The following STARD9 variants were observed in gnomAD, a reference collection of about 807,000 sequenced individuals.
The protein encoded by STARD9 is stAR-related lipid transfer protein 9.
STARD9 carries 346 observed loss-of-function variants against 399.8 expected under a neutral mutation model. The ratio of observed to expected loss-of-function variants is 0.87; its 90% CI spans 0.79 to 0.95. STARD9 has a LOEUF of 0.95. Ranked by LOEUF, STARD9 falls within the 40% of genes least tolerant of loss-of-function variation. The pLI is 0.00. For missense variants in STARD9, 5,832 were observed against 5,667.5 expected, an observed-to-expected ratio of 1.03 and a Z score of -0.93; for synonymous variants, 2,203 against 2,143.5, an observed-to-expected ratio of 1.03 and a Z score of -0.77.
chr15:42,689,121 G>A lies in STARD9; in HGVS notation c.7543G>A (p.Val2515Ile), dbSNP rs200317576. ...GAAGGCAGAGAAGGAGACTGAGGAC[G>A]TCGGACTGACCAGCGGTGTTTCCTT... is the stretch of plus-strand genomic sequence containing the variant. The part of the protein sequence containing the change: ...RQKAEKETED[V>I]GLTSGVSLAP... The change falls in exon 23 of 33, where the codon GTC (valine) becomes ATC (isoleucine). Residue 2515 changes from valine to isoleucine, a missense_variant. Val to Ile is a conservative substitution (Grantham distance 29). This residue lies in a region of STARD9 where 5,828 missense variants were observed against 5,651.1 expected (regional missense o/e 1.03). Transcript: ENST00000290607. 16 of 1,537,168 alleles carry A rather than the reference G, an allele frequency of 1.0e-5. No homozygotes were observed. The highest frequency in any genetic ancestry group is 5.9e-5 in the Admixed American group (3 of 50,958).
chr15:42,616,041 AT>A (rs939227592), intron 3 of STARD9, among the ~76,000 whole-genome samples: 15 of 149,686 alleles, frequency 1.0e-4, no homozygotes, highest in South Asian at 4.2e-4. Flanking sequence ...CAAACATTGT[AT>A]TTTTTTTTTC....
Position 42,691,057 on chromosome 15 carries a change from A to C in STARD9, c.9479A>C (p.Gln3160Pro). ...SAESKLVVEP[Q>P]HECLENTTRC... ...GAGAGCAAGTTGGTGGTAGAGCCAC[A>C]GCATGAATGTTTAGAAAATACCACT... The change falls in exon 23 of 33, where the codon CAG becomes CCG. Residue 3160 changes from glutamine (Q) to proline (P), a missense_variant. By Grantham distance (76) the Gln-to-Pro change is moderately conservative. Transcript: ENST00000290607. The C allele has an allele frequency of 6.5e-7, 1 of 1,537,276 alleles. No individual in the cohort carries two copies. Among genetic ancestry groups the C allele is most frequent in the Non-Finnish European group, 8.7e-7 (1 of 1,146,910 alleles).
intron 4 of STARD9, among the ~76,000 whole-genome samples, chr15:42,636,686 T>C (rs2059423907): frequency 6.6e-6 from 1 of 152,230 alleles, no homozygotes; most frequent in Non-Finnish European, 1.5e-5. Flanking sequence ...ATGATTCCTC[T>C]TAGATGATTA....
chr15:42,693,160 C>T lies in STARD9; in HGVS notation c.11582C>T (p.Pro3861Leu), dbSNP rs897500466. The change falls in exon 23 of 33, where the codon CCC becomes CTC. Residue 3861 changes from proline to leucine, a missense_variant. Physicochemically the swap from Pro to Leu is moderately conservative, Grantham distance 98 (BLOSUM62 -3). Transcript: ENST00000290607. Reference protein sequence around the residue: ...SYCLVVSSPSPSSPHSPGLFP... With the variant: ...SYCLVVSSPSLSSPHSPGLFP... ...TGCTTAGTTGTCAGCAGTCCCAGTCCCAGCTCCCCTCATTCCCCAGGGCTC... is the reference window on the plus strand; with the variant it reads ...TGCTTAGTTGTCAGCAGTCCCAGTCTCAGCTCCCCTCATTCCCCAGGGCTC... 36 of 1,537,048 alleles carry T rather than the reference C, an allele frequency of 2.3e-5. No homozygotes were observed. Among genetic ancestry groups the T allele is most frequent in the Non-Finnish European group, 3.0e-5 (34 of 1,146,910 alleles).
intron 3 of STARD9, among the ~76,000 whole-genome samples, chr15:42,619,937 C>T (rs898903615): frequency 6.6e-6 from 1 of 152,160 alleles, no homozygotes; most frequent in Admixed American, 6.5e-5. Flanking sequence ...AAACGAGAGG[C>T]CTTTATTCAG....
At position 42,669,175 on chromosome 15, in the gene STARD9, A is replaced by T; in HGVS notation, c.1335A>T (p.Lys445Asn). Residue 445 changes from lysine (K) to asparagine (N), a missense_variant, in exon 16 of 33, where the codon AAA becomes AAT. Coordinates refer to ENST00000290607, the MANE Select transcript of STARD9 (RefSeq NM_020759.3). Reference sequence around the variant, plus strand: ...CTCTGCAGATAGACCAGCTGACTAAAGACTGGACCCAGAAGTGGAATGATT... The same window carrying T: ...CTCTGCAGATAGACCAGCTGACTAATGACTGGACCCAGAAGTGGAATGATT... The part of the protein sequence containing the change: ...QNELKIDQLT[K>N]DWTQKWNDWQ... 6.5e-7 allele frequency: 1 copy of T among 1,535,068 alleles called. No individual in the cohort carries two copies. Among genetic ancestry groups the T allele is most frequent in the Admixed American group, 2.0e-5 (1 of 50,984 alleles).
At chr15:42,679,086 C>G (rs1424257476) in intron 20 of STARD9, among the ~76,000 whole-genome samples, 2 of 152,164 alleles carry the variant, frequency 1.3e-5, no homozygotes, top group Non-Finnish European at 1.5e-5. Context: ...GAAAGCCAGA[C>G]AAGGAGACTG....
rs1441976865 is a variant in STARD9, at chr15:42,692,534, C to T, written c.10956C>T (p.Ser3652=). 3 of 1,537,196 alleles carry T rather than the reference C, an allele frequency of 2.0e-6. No individual in the cohort carries two copies. In the South Asian group the frequency reaches 3.6e-5, roughly 18 times the overall value. ...TQTLGSRRHW[S]STDISFAQPE... ...CCCTCGGCAGCAGGCGCCACTGGAGCAGCACTGACATCTCCTTTGCTCAGC... is the reference window on the plus strand; with the variant it reads ...CCCTCGGCAGCAGGCGCCACTGGAGTAGCACTGACATCTCCTTTGCTCAGC... Residue 3652 remains serine (S), a synonymous_variant, in exon 23 of 33, where the codon AGC becomes AGT. Transcript: ENST00000290607.
In STARD9 at chr15:42,637,903, C is replaced by T; in HGVS notation, c.352-4C>T. 6.5e-7 allele frequency: 1 copy of T among 1,537,206 alleles called. No individual in the cohort carries two copies. The highest frequency in any genetic ancestry group is 8.7e-7 in the Non-Finnish European group (1 of 1,146,876). On this transcript the variant is annotated splice_polypyrimidine_tract_variant and splice_region_variant and intron_variant, in intron 4 of 32. Coordinates refer to ENST00000290607, the MANE Select transcript of STARD9 (RefSeq NM_020759.3). ...ATAATGCTTTCCTTTCTTCTGTTCA[C>T]CAGGCCTCTGTTGGGTTGACACCAC...
chr15:42,680,326 G>A (rs545086800), intron 20 of STARD9, among the ~76,000 whole-genome samples: 29 of 152,280 alleles, frequency 1.9e-4, no homozygotes, highest in South Asian at 2.1e-4. Context: ...TAGGTCGGGC[G>A]TGGTGGCTCA....
At position 42,638,688 on chromosome 15, in the gene STARD9, A is replaced by G. The variant is rs1433860995; in HGVS notation, c.447-12A>G. ...AAATATAATTATGTTGCCTTTTTCTACTTAACTCTAGTTTTCTAGAAATCT... is the reference window on the plus strand; with the variant it reads ...AAATATAATTATGTTGCCTTTTTCTGCTTAACTCTAGTTTTCTAGAAATCT... On this transcript the variant is annotated splice_polypyrimidine_tract_variant and intron_variant, in intron 6 of 32. Transcript: ENST00000290607. The G allele has an allele frequency of 2.0e-5, 30 of 1,500,814 alleles. No individual in the cohort carries two copies. The highest frequency in any genetic ancestry group is 2.5e-5 in the South Asian group (2 of 79,912). 93.0% of individuals were successfully genotyped at this position (1,500,814 alleles called of 1,614,324 possible).
At chr15:42,639,856 G>A (rs1169677788) in intron 7 of STARD9, among the ~76,000 whole-genome samples, 2 of 147,490 alleles carry the variant, frequency 1.4e-5, no homozygotes, top group African/African-American at 2.5e-5. Context: ...AGAGCAAGAC[G>A]CCATCTCAAA....
chr15:42,586,866 C>T (rs114984341), intron 3 of STARD9, among the ~76,000 whole-genome samples: 2,428 of 149,728 alleles, frequency 0.016, 62 homozygotes, highest in African/African-American at 0.055. Flanking sequence ...GGTGGGGGGC[C>T]GGGGGGCGGA....
rs1414852989 is a variant in STARD9, at chr15:42,717,874, C to G, written c.13559+79C>G. On this transcript the variant is annotated intron_variant, in intron 29 of 32. Transcript: ENST00000290607. ...CTGCTTGGCTTCTCTCCTCCTTTCC[C>G]TTACCTGGATTCCTCAAGTCTTCAC... is the stretch of plus-strand genomic sequence containing the variant. 4 of 1,503,872 alleles carry G rather than the reference C, an allele frequency of 2.7e-6. No individual in the cohort carries two copies. The East Asian group carries it at 9.8e-5, about 37-fold the overall frequency. 93.2% of individuals were successfully genotyped at this position (1,503,872 alleles called of 1,614,324 possible).
Position 42,694,314 on chromosome 15 carries a change from A to G in STARD9, c.12736A>G (p.Thr4246Ala). 6.6e-7 allele frequency: 1 copy of G among 1,519,448 alleles called. No homozygotes were observed. Among genetic ancestry groups the G allele is most frequent in the Non-Finnish European group, 8.8e-7 (1 of 1,137,004 alleles). The allele number at this position is 1,519,448 out of a possible 1,614,324, so 94.1% of individuals were successfully genotyped here. A position where few individuals can be genotyped will look rare whatever the true frequency, so the allele number is the denominator to read the frequency against. Reference protein sequence around the residue: ...GEALAADEPVTSTWKELYARQ... With the variant: ...GEALAADEPVASTWKELYARQ... ...GGCGCTTGCTGCTGATGAACCTGTGACATCCACCTGGAAGGAGCTCTATGC... is the reference window on the plus strand; with the variant it reads ...GGCGCTTGCTGCTGATGAACCTGTGGCATCCACCTGGAAGGAGCTCTATGC... Residue 4246 changes from threonine to alanine, a missense_variant, in exon 23 of 33, where the codon ACA becomes GCA. Thr to Ala is a moderately conservative substitution (Grantham distance 58). Around this residue, in one of 2 missense-constraint regions of STARD9, gnomAD observed 5,828 missense variants for 5,651.1 expected, o/e 1.03. Transcript: ENST00000290607.
At chr15:42,694,482 T>G in intron 23 of STARD9, 46 bp from the exon 24 acceptor site, 1 of 1,531,556 alleles carries the variant, frequency 6.5e-7, no homozygotes, top group Non-Finnish European at 8.8e-7. Context: ...GATCTTAAAG[T>G]GAAGGACATT....
At chr15:42,639,297 G>A (rs1005762755) in intron 7 of STARD9, among the ~76,000 whole-genome samples, 1 of 152,182 alleles carries the variant, frequency 6.6e-6, no homozygotes, top group African/African-American at 2.4e-5. Context: ...GAATGAGAGG[G>A]AAAACTGTAG....
chr15:42,693,614 A>C lies in STARD9; in HGVS notation c.12036A>C (p.Gln4012His). 6.5e-7 allele frequency: 1 copy of C among 1,537,258 alleles called. No homozygotes were observed. ...AGCCCAGGACAACTATCGGGGTCCA[A>C]AGCAGACTGCTGCCACCACCACTGA... Reference protein sequence around the residue: ...QLQPRTTIGVQSRLLPPPLRH... With the variant: ...QLQPRTTIGVHSRLLPPPLRH... The change falls in exon 23 of 33, where the codon CAA becomes CAC. Residue 4012 changes from glutamine to histidine, a missense_variant. By Grantham distance (24) the Gln-to-His change is conservative. This residue lies in a region of STARD9 where 5,828 missense variants were observed against 5,651.1 expected (regional missense o/e 1.03). Transcript: ENST00000290607.
chr15:42,605,267 G>A (rs750305035), intron 3 of STARD9, among the ~76,000 whole-genome samples: 1 of 152,150 alleles, frequency 6.6e-6, no homozygotes, highest in Non-Finnish European at 1.5e-5. Context: ...GAACTACAGC[G>A]AAAACCTTTC....
Sources: gnomAD v4.1 joint callset for allele counts (sites outside exome capture counted in the v4.1 genomes callset) on GRCh38, gnomAD v4.1.1 for gene constraint, gnomAD v4.1.1 regional missense constraint, MANE v1.5 for transcripts, NCBI Gene and HGNC (gene_info 2026-07-23, HGNC 2026-07-21) for gene names.